Variants in LRRN2 observed in about 807,000 individuals in gnomAD.
LRRN2 encodes leucine-rich repeat neuronal protein 2.
Under a neutral mutation model 35.7 loss-of-function variants are expected in LRRN2, and 10 were observed. That is an observed-to-expected ratio of 0.28 (90% confidence interval 0.17 to 0.47). The LOEUF (loss-of-function observed/expected upper bound fraction) is 0.47, where lower values mean the gene tolerates loss of function less well. LRRN2 is among the 20% of genes least tolerant of loss of function. The pLI is 0.99. For missense variants in LRRN2, 731 were observed against 940.3 expected (o/e 0.78, Z 2.91); for synonymous variants, 391 against 409.6 (o/e 0.95, Z 0.55).
At chr1:204,666,822 C>T (rs1276770102) in intron 1 of LRRN2, among the ~76,000 whole-genome samples, 2 of 151,890 alleles carry the variant, frequency 1.3e-5, no homozygotes, top group South Asian at 2.1e-4. Context: ...ATTAGCCAGG[C>T]GTGGTGGCCC....
At chr1:204,679,024 C>A (rs1668882573) in intron 1 of LRRN2, among the ~76,000 whole-genome samples, 1 of 152,162 alleles carries the variant, frequency 6.6e-6, no homozygotes, top group African/African-American at 2.4e-5. Context: ...CCAGCCCCAT[C>A]CCATGTCTGA....
intron 1 of LRRN2, among the ~76,000 whole-genome samples, chr1:204,649,070 A>G (rs1668168940): frequency 6.6e-6 from 1 of 152,238 alleles, no homozygotes; most frequent in Non-Finnish European, 1.5e-5. Context: ...GTGGAAGGCC[A>G]CAGAGCAAAT....
At chr1:204,678,033 C>A (rs2102244514) in intron 1 of LRRN2, among the ~76,000 whole-genome samples, 1 of 152,290 alleles carries the variant, frequency 6.6e-6, no homozygotes, top group East Asian at 1.9e-4. Context: ...CTTCCCACTG[C>A]AGAGTCGAAT....
At chr1:204,652,192 C>T (rs1031878742) in intron 1 of LRRN2, among the ~76,000 whole-genome samples, 10 of 151,872 alleles carry the variant, frequency 6.6e-5, no homozygotes, top group Admixed American at 2.6e-4. Flanking sequence ...GAAAGGGAGA[C>T]GGAAAAACGG....
rs971289134 is a variant in LRRN2, at chr1:204,638,402, C to CTTTTTTTTTTTTTTTTTT, written c.-226-18202_-226-18185dup. Among the ~76,000 whole-genome samples the CTTTTTTTTTTTTTTTTTT allele has an allele frequency of 2.8e-4, 20 of 71,676 alleles. 6 individuals are homozygous for CTTTTTTTTTTTTTTTTTT. Among genetic ancestry groups the CTTTTTTTTTTTTTTTTTT allele is most frequent in the African/African-American group, 7.0e-4 (11 of 15,622 alleles). 47.0% of individuals were successfully genotyped at this position (71,676 alleles called of 152,430 possible). ...GTGAAGTAACTTGCCCAAGGTCTTCCTTTTTTTTTTTTTTTTTTTTTTTTT... is the reference window on the plus strand; with the variant it reads ...GTGAAGTAACTTGCCCAAGGTCTTCCTTTTTTTTTTTTTTTTTTTTTTTTTTTTTTTTTTTTTTTTTTT... On this transcript the variant is annotated intron_variant, in intron 1 of 1. Transcript: ENST00000367177.
Position 204,618,099 on chromosome 1 carries a change from T to A in LRRN2, c.1894A>T (p.Ile632Phe). The A allele has an allele frequency of 1.2e-6, 2 of 1,614,084 alleles. No homozygotes were observed. The highest frequency in any genetic ancestry group is 1.7e-6 in the Non-Finnish European group (2 of 1,179,956). ...HRALGDRPGLIAILALAVLLL... is the reference protein window; with the variant it reads ...HRALGDRPGLFAILALAVLLL... Reference sequence around the variant, plus strand: ...AGGACAGCGAGAGCCAGGATGGCAATGAGCCCAGGACGGTCCCCTAAGGCT... The same window carrying A: ...AGGACAGCGAGAGCCAGGATGGCAAAGAGCCCAGGACGGTCCCCTAAGGCT... The change falls in exon 2 of 2, where the codon ATT (isoleucine) becomes TTT (phenylalanine). Residue 632 changes from isoleucine (I) to phenylalanine (F), a missense_variant. By Grantham distance (21) the Ile-to-Phe change is conservative (BLOSUM62 0). Around this residue, in one of 3 missense-constraint regions of LRRN2, gnomAD observed 229 missense variants for 258.4 expected, o/e 0.89. Transcript: ENST00000367177.
At chr1:204,665,350 G>C (rs1668555879) in intron 1 of LRRN2, among the ~76,000 whole-genome samples, 1 of 151,872 alleles carries the variant, frequency 6.6e-6, no homozygotes, top group East Asian at 1.9e-4. Flanking sequence ...TGTCACCCAG[G>C]CTGGTCTTGA....
intron 1 of LRRN2, among the ~76,000 whole-genome samples, chr1:204,656,982 T>C (rs1330154733): frequency 2.6e-5 from 4 of 152,102 alleles, no homozygotes; most frequent in Non-Finnish European, 4.4e-5. Context: ...ATCACCCAAA[T>C]GTCTACCAAC....
At chr1:204,678,861 C>T (rs935146461) in intron 1 of LRRN2, among the ~76,000 whole-genome samples, 3 of 152,214 alleles carry the variant, frequency 2.0e-5, no homozygotes, top group African/African-American at 7.2e-5. Context: ...TACCAGCCTC[C>T]AATGTGCCAT....
chr1:204,622,851 G>A (rs1007422274), intron 1 of LRRN2, among the ~76,000 whole-genome samples: 5 of 152,124 alleles, frequency 3.3e-5, no homozygotes, highest in African/African-American at 1.2e-4. Context: ...AGTACCTGAG[G>A]CAAAGCTACT....
At chr1:204,649,089 A>T (rs1301477466) in intron 1 of LRRN2, among the ~76,000 whole-genome samples, 2 of 152,214 alleles carry the variant, frequency 1.3e-5, no homozygotes, top group East Asian at 3.9e-4. Flanking sequence ...ATCAGCATCA[A>T]AGCCAGGACA....
intron 1 of LRRN2, among the ~76,000 whole-genome samples, chr1:204,623,047 C>T (rs918930217): frequency 6.6e-6 from 1 of 152,088 alleles, no homozygotes. Flanking sequence ...GCTCCTAGGA[C>T]TCCTAGGGCT....
At chr1:204,626,423 T>A (rs1349943525) in intron 1 of LRRN2, among the ~76,000 whole-genome samples, 1 of 152,106 alleles carries the variant, frequency 6.6e-6, no homozygotes, top group Non-Finnish European at 1.5e-5. Flanking sequence ...ACACCCTGGC[T>A]ATTTTTCCTT....
chr1:204,658,459 C>G (rs1206996565), intron 1 of LRRN2, among the ~76,000 whole-genome samples: 1 of 152,220 alleles, frequency 6.6e-6, no homozygotes, highest in Non-Finnish European at 1.5e-5. Flanking sequence ...AACATACTGC[C>G]TCATCTCTAC....
At chr1:204,657,517 G>A (rs1301129616) in intron 1 of LRRN2, among the ~76,000 whole-genome samples, 3 of 152,020 alleles carry the variant, frequency 2.0e-5, no homozygotes, top group South Asian at 2.1e-4. Context: ...TCTATGACAC[G>A]TCCAGAATAA....
chr1:204,642,832 G>A (rs1233411715), intron 1 of LRRN2, among the ~76,000 whole-genome samples: 2 of 152,226 alleles, frequency 1.3e-5, no homozygotes, highest in Non-Finnish European at 2.9e-5. Flanking sequence ...GTGAGAGGGA[G>A]GAGGACATCA....
Position 204,617,786 on chromosome 1 carries a change from G to A in LRRN2, c.*65C>T. ...CTTTCCTGGCAGGGCATCTGGCCCA[G>A]ACTGCTTCTCTTTTGGTAAAAAGTA... is the stretch of plus-strand genomic sequence containing the variant. On this transcript the variant is annotated 3_prime_UTR_variant, in exon 2 of 2. Coordinates refer to ENST00000367177, the MANE Select transcript of LRRN2 (RefSeq NM_201630.2). 3.8e-6 allele frequency: 6 copies of A among 1,574,752 alleles called. No individual in the cohort carries two copies. Among genetic ancestry groups the A allele is most frequent in the Non-Finnish European group, 5.2e-6 (6 of 1,147,488 alleles).
chr1:204,642,958 G>A (rs979623933), intron 1 of LRRN2, among the ~76,000 whole-genome samples: 2 of 152,182 alleles, frequency 1.3e-5, no homozygotes, highest in African/African-American at 4.8e-5. Flanking sequence ...CTGATAGACT[G>A]TTTTTCGGAC....
intron 1 of LRRN2, among the ~76,000 whole-genome samples, chr1:204,673,265 C>A (rs1046145058): frequency 3.3e-5 from 5 of 152,340 alleles, no homozygotes; most frequent in Admixed American, 6.5e-5. Context: ...TATCAGAATT[C>A]TTTAAATTAT....
Sources: allele counts gnomAD v4.1 joint callset (sites outside exome capture counted in the v4.1 genomes callset), GRCh38; gene constraint gnomAD v4.1.1; regional missense constraint gnomAD v4.1.1; transcripts MANE v1.5; gene names NCBI Gene and HGNC (gene_info 2026-07-23, HGNC 2026-07-21).